CLYBL: variants seen among roughly 807,000 people sequenced by gnomAD.
CLYBL encodes citramalyl-CoA lyase.
Under a neutral mutation model 38.9 loss-of-function variants are expected in CLYBL, and 31 were observed. The ratio of observed to expected loss-of-function variants is 0.80; its 90% confidence interval spans 0.60 to 1.08. The LOEUF is 1.08. Among genes scored for constraint, CLYBL ranks in the 50% least tolerant of loss-of-function variants. CLYBL has a pLI of 0.00. For missense variants in CLYBL, 434 were observed against 411.6 expected (o/e 1.05, Z -0.47); for synonymous variants, 171 against 158.6 (o/e 1.08, Z -0.59).
At chr13:99,833,026 ATATATTT>A (rs1447530840) in intron 2 of CLYBL, among the ~76,000 whole-genome samples, 2 of 36,256 alleles carry the variant, frequency 5.5e-5, no homozygotes, top group African/African-American at 1.2e-4. Flanking sequence ...ATATATATAT[ATATATTT>A]TTTTTTTTTT....
At chr13:99,696,819 CA>C (rs1243958996) in intron 1 of CLYBL, among the ~76,000 whole-genome samples, 2 of 151,628 alleles carry the variant, frequency 1.3e-5, no homozygotes, top group Non-Finnish European at 2.9e-5. Context: ...AAAAAAAACC[CA>C]CACAAATTAA....
At chr13:99,898,966 T>C (rs2152136822), downstream of CLYBL, among the ~76,000 whole-genome samples, 1 of 152,330 alleles carries the variant, frequency 6.6e-6, no homozygotes, top group African/African-American at 2.4e-5. Context: ...GTGGAAAATG[T>C]ATTCATTAAA....
chr13:99,850,081 G>A (rs111420733), intron 2 of CLYBL, among the ~76,000 whole-genome samples: 4 of 152,220 alleles, frequency 2.6e-5, no homozygotes, highest in African/African-American at 9.6e-5. Flanking sequence ...CATGACCTTC[G>A]ATTAGGCAGT....
chr13:99,618,049 G>A (rs570210006), intron 1 of CLYBL, among the ~76,000 whole-genome samples: 22 of 152,074 alleles, frequency 1.4e-4, no homozygotes, highest in East Asian at 9.6e-4. Context: ...TTTATTGTCC[G>A]CCTGTATCCT....
At chr13:99,733,220 T>G (rs534001798) in intron 1 of CLYBL, among the ~76,000 whole-genome samples, 1 of 151,994 alleles carries the variant, frequency 6.6e-6, no homozygotes, top group Middle Eastern at 3.4e-3. Flanking sequence ...ACTTTTAAGA[T>G]CTCATAATCC....
At chr13:99,681,127 C>T (rs1162948895) in intron 1 of CLYBL, among the ~76,000 whole-genome samples, 2 of 152,144 alleles carry the variant, frequency 1.3e-5, no homozygotes. Context: ...GAAGCATCAT[C>T]GCTGAATGTA....
At chr13:99,882,968 C>T (rs550463313) in intron 7 of CLYBL, among the ~76,000 whole-genome samples, 54 of 152,078 alleles carry the variant, frequency 3.6e-4, no homozygotes, top group African/African-American at 1.1e-3. Context: ...TGGGCCGGGC[C>T]AGGCCAGGCC....
At chr13:99,825,689 C>T (rs1252132369) in intron 2 of CLYBL, among the ~76,000 whole-genome samples, 8 of 152,146 alleles carry the variant, frequency 5.3e-5, no homozygotes, top group South Asian at 2.1e-4. Context: ...GAGAGCACAT[C>T]GTGCTCACAG....
At chr13:99,699,729 C>T (rs934980942) in intron 1 of CLYBL, among the ~76,000 whole-genome samples, 8 of 149,390 alleles carry the variant, frequency 5.4e-5, no homozygotes, top group Admixed American at 2.0e-4. Context: ...CGCAGTGGCT[C>T]ACGCCTGTAA....
intron 1 of CLYBL, among the ~76,000 whole-genome samples, chr13:99,681,166 C>T (rs1482569789): frequency 6.6e-6 from 1 of 151,872 alleles, no homozygotes; most frequent in Non-Finnish European, 1.5e-5. Flanking sequence ...GATCTTAAGC[C>T]GGAAAAATAA....
chr13:99,842,961 A>G (rs2051119856), intron 2 of CLYBL, among the ~76,000 whole-genome samples: 1 of 152,114 alleles, frequency 6.6e-6, no homozygotes, highest in African/African-American at 2.4e-5. Context: ...CCTAACATTT[A>G]TTAACCACTT....
At chr13:99,888,103 G>A (rs1042936125) in intron 7 of CLYBL, among the ~76,000 whole-genome samples, 3 of 152,066 alleles carry the variant, frequency 2.0e-5, no homozygotes, top group African/African-American at 4.8e-5. Flanking sequence ...TGATCCATCC[G>A]CCTTGGCCTC....
intron 1 of CLYBL, among the ~76,000 whole-genome samples, chr13:99,695,964 A>G (rs1280508688): frequency 2.0e-5 from 3 of 152,210 alleles, no homozygotes; most frequent in Non-Finnish European, 4.4e-5. Context: ...GACAAGGTGC[A>G]TATTTGGGGA....
chr13:99,770,533 A>G (rs1327936072), intron 1 of CLYBL, among the ~76,000 whole-genome samples: 16 of 152,056 alleles, frequency 1.1e-4, no homozygotes, highest in African/African-American at 3.4e-4. Context: ...TAGCGAGGAT[A>G]TTCTGGATCT....
At chr13:99,730,446 C>T (rs1288843365) in intron 1 of CLYBL, among the ~76,000 whole-genome samples, 2 of 147,940 alleles carry the variant, frequency 1.4e-5, no homozygotes, top group African/African-American at 4.8e-5. Context: ...TCCTGGCTGA[C>T]TGGCCTCTTA....
intron 7 of CLYBL, among the ~76,000 whole-genome samples, chr13:99,882,143 G>C (rs1260403387): frequency 6.6e-6 from 1 of 152,066 alleles, no homozygotes; most frequent in Non-Finnish European, 1.5e-5. Flanking sequence ...ATATGTAGCT[G>C]TATTAGAACT....
chr13:99,803,308 G>A (rs2050171287), intron 2 of CLYBL, among the ~76,000 whole-genome samples: 1 of 152,218 alleles, frequency 6.6e-6, no homozygotes, highest in South Asian at 2.1e-4. Context: ...GCTTGCCCTA[G>A]AACAAAGGCA....
intron 7 of CLYBL, among the ~76,000 whole-genome samples, chr13:99,890,958 A>G (rs2052473741): frequency 6.6e-6 from 1 of 152,206 alleles, no homozygotes; most frequent in Non-Finnish European, 1.5e-5. Flanking sequence ...AGTTGCCAGA[A>G]TATATTCTTG....
At chr13:99,828,642 C>T (rs1279602902) in intron 2 of CLYBL, among the ~76,000 whole-genome samples, 1 of 152,026 alleles carries the variant, frequency 6.6e-6, no homozygotes, top group Admixed American at 6.6e-5. Flanking sequence ...TTGCTAAGTG[C>T]GTCCCAGATT....
Sources: allele counts gnomAD v4.1 joint callset (sites outside exome capture counted in the v4.1 genomes callset), GRCh38; gene constraint gnomAD v4.1.1; transcripts MANE v1.5; gene names NCBI Gene and HGNC (gene_info 2026-07-23, HGNC 2026-07-21).